The following PTER variants were observed in gnomAD, a reference collection of about 807,000 sequenced individuals.
The protein encoded by PTER is phosphotriesterase related, also known as N-acetyltaurine hydrolase.
A neutral mutation model predicts 29.6 loss-of-function variants in PTER; 38 were observed. That is an observed-to-expected ratio of 1.28 (90% CI 0.99 to 1.68). The LOEUF is 1.68. Among genes scored for constraint, PTER ranks in the 40% most tolerant of loss-of-function variants. The pLI, the probability that PTER is intolerant of heterozygous loss-of-function variation, is 0.00. For missense variants in PTER, 482 were observed against 427.8 expected (o/e 1.13, Z -1.12); for synonymous variants, 172 against 154.5 (o/e 1.11, Z -0.84).
intron 1 of PTER, among the ~76,000 whole-genome samples, chr10:16,484,126 G>C (rs1192332616): frequency 2.0e-5 from 3 of 152,052 alleles, no homozygotes; most frequent in Non-Finnish European, 4.4e-5. Context: ...CAGTAGAAGG[G>C]GTGGGAGGCA....
chr10:16,509,051 T>C lies in PTER; in HGVS notation c.840-1995T>C, dbSNP rs1202530258. The stretch of plus-strand genomic sequence containing the variant: ...TTATTATATCTCTGCCTTTTCACAC[T>C]TTGTAGTCTCTCTCTAATATTTGTT... On this transcript the variant is annotated intron_variant, in intron 4 of 4. Coordinates refer to ENST00000535784, the MANE Select transcript of PTER (RefSeq NM_001261836.2). Among the ~76,000 whole-genome samples, 3 of 152,222 alleles carry C rather than the reference T, an allele frequency of 2.0e-5. No individual in the cohort carries two copies. In the East Asian group the frequency reaches 5.8e-4, roughly 29 times the overall value.
intron 1 of PTER, among the ~76,000 whole-genome samples, chr10:16,455,009 A>G (rs554353254): frequency 2.0e-5 from 3 of 152,008 alleles, no homozygotes; most frequent in East Asian, 3.9e-4. Flanking sequence ...AAGGTGGATC[A>G]CTTAAGCCCA....
In PTER at chr10:16,501,808, A is replaced by G. The variant is rs753492347; in HGVS notation, c.699-3212A>G. 2.2e-4 allele frequency among the ~76,000 whole-genome samples: 33 copies of G among 152,224 alleles called. 1 individual carries two copies. Among genetic ancestry groups the G allele is most frequent in the Admixed American group, 6.5e-4 (10 of 15,284 alleles). The stretch of plus-strand genomic sequence containing the variant: ...TAACTTTGAGATGAATTTAAATTCT[A>G]GCACATCACCTTGAGTGACTATCTA... On this transcript the variant is annotated intron_variant, in intron 3 of 4. Coordinates refer to ENST00000535784, the MANE Select transcript of PTER (RefSeq NM_001261836.2).
At chr10:16,517,849 T>C (rs2133539700), downstream of PTER, among the ~76,000 whole-genome samples, 1 of 152,336 alleles carries the variant, frequency 6.6e-6, no homozygotes, top group East Asian at 1.9e-4. Context: ...TTCTGTGGAA[T>C]CATAAACAAA....
intron 1 of PTER, among the ~76,000 whole-genome samples, chr10:16,477,127 C>T (rs1280538401): frequency 6.6e-6 from 1 of 152,040 alleles, no homozygotes; most frequent in African/African-American, 2.4e-5. Flanking sequence ...TGGTATCAAA[C>T]CCTTGAGCTC....
intron 1 of PTER, among the ~76,000 whole-genome samples, chr10:16,465,476 C>G (rs1466020771): frequency 6.6e-6 from 1 of 152,148 alleles, no homozygotes. Flanking sequence ...GTTGCCCCCT[C>G]AGATCTGTAA....
intron 2 of PTER, 30 bp from the exon 3 acceptor site, chr10:16,486,305 ATAAATTTCACAACCTAT>A: frequency 6.6e-7 from 1 of 1,522,040 alleles, no homozygotes; most frequent in Non-Finnish European, 8.9e-7. Context: ...ATCTATTTTG[ATAAATTTCACAACCTAT>A]AAAATATATT....
Position 16,510,972 on chromosome 10 carries a change from G to A in PTER, c.840-74G>A. On this transcript the variant is annotated intron_variant, in intron 4 of 4. Transcript: ENST00000535784. The stretch of plus-strand genomic sequence containing the variant: ...TACGACAAGCACAATAGGTTAATGA[G>A]TAAAAAGTTGAAAGCATCCTGAAAA... 8 of 1,311,120 alleles carry A rather than the reference G, an allele frequency of 6.1e-6. No individual in the cohort carries two copies. The South Asian group carries it at 8.9e-5, about 15-fold the overall frequency. The allele number at this position is 1,311,120 out of a possible 1,614,324, so 81.2% of individuals were successfully genotyped here.
At position 16,512,957 on chromosome 10, in the gene PTER, A is replaced by G. The variant is rs189471088; in HGVS notation, c.*1701A>G. On this transcript the variant is annotated 3_prime_UTR_variant, in exon 5 of 5. Transcript: ENST00000535784. Reference sequence around the variant, plus strand: ...TTCTAACCAGAAAGAAAGGATTTGTATTACTCTCCAAATCTACTGTACTGT... The same window carrying G: ...TTCTAACCAGAAAGAAAGGATTTGTGTTACTCTCCAAATCTACTGTACTGT... 4.7e-3 allele frequency: 712 copies of G among 152,624 alleles called. 1 individual carries two copies. Among genetic ancestry groups the G allele is most frequent in the Non-Finnish European group, 6.4e-3 (434 of 67,956 alleles). 9.5% of individuals were successfully genotyped at this position (152,624 alleles called of 1,614,324 possible).
chr10:16,498,173 C>A (rs1836184951), intron 3 of PTER, among the ~76,000 whole-genome samples: 2 of 152,144 alleles, frequency 1.3e-5, no homozygotes, highest in South Asian at 4.1e-4. Context: ...GTGTGAAATG[C>A]GGTAGCTCTT....
chr10:16,484,104 G>A (rs952723255), intron 1 of PTER, among the ~76,000 whole-genome samples: 7 of 152,066 alleles, frequency 4.6e-5, no homozygotes, highest in African/African-American at 9.7e-5. Context: ...ACTAACTCAG[G>A]CAGAGGACTC....
At chr10:16,478,950 C>T (rs191775168) in intron 1 of PTER, among the ~76,000 whole-genome samples, 167 of 152,274 alleles carry the variant, frequency 1.1e-3, no homozygotes, top group African/African-American at 3.9e-3. Flanking sequence ...GAGGAGGAGA[C>T]CTTTCCCAGG....
Position 16,505,034 on chromosome 10 carries a change from A to T in PTER, c.713A>T (p.Lys238Met). The change falls in exon 4 of 5, where the codon AAG (lysine) becomes ATG (methionine). Residue 238 changes from lysine (K) to methionine (M), a missense_variant. Physicochemically the swap from Lys to Met is moderately conservative, Grantham distance 95. Transcript: ENST00000535784. ...ATTGTTTCTAGGACTATTCTTGATA[A>T]GAAAGAGCTCTTGGAGTTTGCTCAA... ...MSHLDRTILD[K>M]KELLEFAQLG... is the part of the protein sequence containing the mutation. The T allele has an allele frequency of 6.2e-7, 1 of 1,613,978 alleles. No individual in the cohort carries two copies.
chr10:16,505,778 G>C (rs185712209), intron 4 of PTER, among the ~76,000 whole-genome samples: 1 of 152,304 alleles, frequency 6.6e-6, no homozygotes, highest in African/African-American at 2.4e-5. Flanking sequence ...TAAGAAGATT[G>C]AATGAACCAA....
At chr10:16,493,225 G>C (rs1588622367) in intron 3 of PTER, among the ~76,000 whole-genome samples, 1 of 152,174 alleles carries the variant, frequency 6.6e-6, no homozygotes, top group East Asian at 1.9e-4. Flanking sequence ...TAATCCCTCT[G>C]AATATTCGTG....
intron 1 of PTER, among the ~76,000 whole-genome samples, chr10:16,446,476 T>C (rs11253996): frequency 0.37 from 56,665 of 151,966 alleles, 11,284 homozygotes; most frequent in African/African-American, 0.51. Context: ...TCAAGTGTTA[T>C]CTTTTCACTC....
At chr10:16,456,723 T>TGTGTCC (rs1309198825) in intron 1 of PTER, among the ~76,000 whole-genome samples, 16 of 152,094 alleles carry the variant, frequency 1.1e-4, no homozygotes, top group African/African-American at 3.9e-4. Context: ...GGGCTGTGGC[T>TGTGTCC]GTGTCCATTG....
chr10:16,481,564 A>G lies in PTER; in HGVS notation c.-48-2773A>G, dbSNP rs1835481448. Among the ~76,000 whole-genome samples the G allele has an allele frequency of 2.6e-5, 4 of 152,104 alleles. No homozygotes were observed. In the South Asian group the frequency reaches 6.2e-4, roughly 24 times the overall value. The stretch of plus-strand genomic sequence containing the variant: ...TTCTTATCCTTTGAGTGGAGGTTAC[A>G]TTGTGTGTGATCATAGGAAGTGCCA... On this transcript the variant is annotated intron_variant, in intron 1 of 4. Transcript: ENST00000535784.
chr10:16,504,079 G>T (rs1344923396), intron 3 of PTER, among the ~76,000 whole-genome samples: 4 of 151,916 alleles, frequency 2.6e-5, no homozygotes, highest in Non-Finnish European at 5.9e-5. Flanking sequence ...ATGTCTAATG[G>T]GGTATATTTT....
Sources: allele counts gnomAD v4.1 joint callset (sites outside exome capture counted in the v4.1 genomes callset), GRCh38; gene constraint gnomAD v4.1.1; transcripts MANE v1.5; gene names NCBI Gene and HGNC (gene_info 2026-07-23, HGNC 2026-07-21).